The following B3GALT1 variants were observed in gnomAD, a reference collection of about 807,000 sequenced individuals.
The protein encoded by B3GALT1 is UDP-Gal:betaGlcNAc beta 1,3-galactosyltransferase, polypeptide 1.
A neutral mutation model predicts 23.2 loss-of-function variants in B3GALT1; 10 were observed. The ratio of observed to expected loss-of-function variants is 0.43; its 90% CI spans 0.27 to 0.73. B3GALT1 has a LOEUF of 0.73. B3GALT1 is among the 30% of genes least tolerant of loss of function. The pLI, the probability that B3GALT1 is intolerant of heterozygous loss-of-function variation, is 0.21. For synonymous variants in B3GALT1, 156 were observed against 141.5 expected (o/e 1.10, Z -0.73); for missense variants, 299 against 405.4 (o/e 0.74, Z 2.25).
intron 1 of B3GALT1, among the ~76,000 whole-genome samples, chr2:167,336,628 A>G (rs186133554): frequency 1.7e-4 from 26 of 152,314 alleles, no homozygotes; most frequent in African/African-American, 5.8e-4. Flanking sequence ...ATCTACTTTT[A>G]AAATATAGAT....
At chr2:167,550,610 A>G (rs1351955392) in intron 2 of B3GALT1, among the ~76,000 whole-genome samples, 1 of 152,212 alleles carries the variant, frequency 6.6e-6, no homozygotes, top group East Asian at 1.9e-4. Flanking sequence ...TTCCTGTACC[A>G]TATAAAAATA....
intron 2 of B3GALT1, among the ~76,000 whole-genome samples, chr2:167,534,947 C>T (rs193159477): frequency 1.2e-4 from 18 of 152,258 alleles, no homozygotes; most frequent in African/African-American, 3.9e-4. Flanking sequence ...TTGTTATCCT[C>T]ATTTTAAAAA....
At chr2:167,555,108 G>A in intron 2 of B3GALT1, among the ~76,000 whole-genome samples, 1 of 152,128 alleles carries the variant, frequency 6.6e-6, no homozygotes, top group Non-Finnish European at 1.5e-5. Context: ...GGAATGCATA[G>A]GACTGCTATG....
chr2:167,472,576 T>C (rs1699432416), intron 1 of B3GALT1, among the ~76,000 whole-genome samples: 1 of 152,144 alleles, frequency 6.6e-6, no homozygotes, highest in Admixed American at 6.6e-5. Context: ...AAGTCTCTAA[T>C]CACAACCTAA....
intron 4 of B3GALT1, among the ~76,000 whole-genome samples, chr2:167,861,326 A>G (rs1250273446): frequency 2.0e-5 from 3 of 152,206 alleles, no homozygotes; most frequent in African/African-American, 7.2e-5. Context: ...GTTTATTGGG[A>G]TGTAACCCAA....
At chr2:167,563,931 G>A (rs1391026853) in intron 2 of B3GALT1, among the ~76,000 whole-genome samples, 3 of 55,856 alleles carry the variant, frequency 5.4e-5, no homozygotes, top group Non-Finnish European at 1.0e-4. Context: ...CCTCCCAGAC[G>A]GGGCGGCTGG....
intron 3 of B3GALT1, among the ~76,000 whole-genome samples, chr2:167,667,221 G>C (rs549628630): frequency 2.0e-5 from 3 of 151,984 alleles, no homozygotes; most frequent in East Asian, 1.9e-4. Context: ...GCTTAGTTTG[G>C]CTGGATGTGA....
intron 2 of B3GALT1, among the ~76,000 whole-genome samples, chr2:167,603,296 G>C (rs111263577): frequency 6.6e-6 from 1 of 152,134 alleles, no homozygotes; most frequent in African/African-American, 2.4e-5. Context: ...GGACCCAGGC[G>C]CAAGAGTCAG....
At chr2:167,697,835 C>G (rs553800681) in intron 3 of B3GALT1, among the ~76,000 whole-genome samples, 1 of 152,062 alleles carries the variant, frequency 6.6e-6, no homozygotes, top group African/African-American at 2.4e-5. Flanking sequence ...AACAAACAAG[C>G]GAAGTGGAAG....
At chr2:167,842,443 T>C (rs1689669684) in intron 4 of B3GALT1, among the ~76,000 whole-genome samples, 1 of 152,232 alleles carries the variant, frequency 6.6e-6, no homozygotes, top group Non-Finnish European at 1.5e-5. Context: ...GTGACTACTG[T>C]TTAGACTTCA....
intron 2 of B3GALT1, among the ~76,000 whole-genome samples, chr2:167,607,531 G>A: frequency 6.6e-6 from 1 of 152,116 alleles, no homozygotes; most frequent in African/African-American, 2.4e-5. Context: ...GTGCGTGTGT[G>A]TGTGCACAGG....
intron 2 of B3GALT1, among the ~76,000 whole-genome samples, chr2:167,585,083 G>A (rs762321563): frequency 3.3e-5 from 5 of 152,086 alleles, no homozygotes; most frequent in Non-Finnish European, 5.9e-5. Context: ...CTACCCAGGG[G>A]CCTCCAGCCA....
At position 167,566,904 on chromosome 2, in the gene B3GALT1, A is replaced by G. The variant is rs571969724; in HGVS notation, c.-410+76627A>G. Among the ~76,000 whole-genome samples the G allele has an allele frequency of 2.6e-5, 4 of 152,280 alleles. No homozygotes were observed. The South Asian group carries it at 8.3e-4, about 32-fold the overall frequency. ...CATGTTCTTCAACAGCAATTTTTGA[A>G]TCTTAGATCGTGAACCATCATCTGA... On this transcript the variant is annotated intron_variant, in intron 2 of 4. Coordinates refer to ENST00000392690, the MANE Select transcript of B3GALT1 (RefSeq NM_020981.4).
At chr2:167,489,031 A>G (rs987499971) in intron 1 of B3GALT1, among the ~76,000 whole-genome samples, 15 of 152,116 alleles carry the variant, frequency 9.9e-5, no homozygotes, top group African/African-American at 3.4e-4. Flanking sequence ...ATTTTCCCCA[A>G]TCTACAACTA....
At chr2:167,642,645 C>T (rs1315753861) in intron 2 of B3GALT1, among the ~76,000 whole-genome samples, 1 of 152,182 alleles carries the variant, frequency 6.6e-6, no homozygotes, top group Non-Finnish European at 1.5e-5. Flanking sequence ...GGCACTTCAT[C>T]TCTCTATACT....
At chr2:167,440,529 T>C (rs182408456) in intron 1 of B3GALT1, among the ~76,000 whole-genome samples, 1 of 152,168 alleles carries the variant, frequency 6.6e-6, no homozygotes, top group African/African-American at 2.4e-5. Context: ...GTAAAATTAT[T>C]TCATGTTTTA....
At chr2:167,807,768 G>T (rs1290692478) in intron 3 of B3GALT1, among the ~76,000 whole-genome samples, 1 of 152,186 alleles carries the variant, frequency 6.6e-6, no homozygotes, top group Non-Finnish European at 1.5e-5. Flanking sequence ...GTGCAATGTG[G>T]TGCTGAGAAG....
chr2:167,615,507 T>C (rs1558925329), intron 2 of B3GALT1, among the ~76,000 whole-genome samples: 1 of 152,102 alleles, frequency 6.6e-6, no homozygotes, highest in South Asian at 2.1e-4. Context: ...TAATGTATTG[T>C]ATGCTTAAAA....
At chr2:167,755,011 G>A (rs1224067035) in intron 3 of B3GALT1, among the ~76,000 whole-genome samples, 3 of 152,036 alleles carry the variant, frequency 2.0e-5, no homozygotes, top group African/African-American at 7.2e-5. Context: ...CTTGAGCAGT[G>A]TCTAATGAGT....
Sources: gnomAD v4.1 joint callset for allele counts (sites outside exome capture counted in the v4.1 genomes callset) on GRCh38, gnomAD v4.1.1 for gene constraint, MANE v1.5 for transcripts, NCBI Gene and HGNC (gene_info 2026-07-23, HGNC 2026-07-21) for gene names.